ECT2L: variants seen among roughly 807,000 people sequenced by gnomAD.
ECT2L encodes the protein epithelial cell-transforming sequence 2 oncogene-like.
In ECT2L, 126 loss-of-function variants were observed where a neutral mutation model predicts 122.8. The observed-to-expected ratio is 1.03, with a 90% CI of 0.89 to 1.19. ECT2L has a LOEUF of 1.19. Ranked by LOEUF, ECT2L falls within the 50% of genes most tolerant of loss-of-function variation. The pLI is 0.00. For synonymous variants in ECT2L, 385 were observed against 381.8 expected, an observed-to-expected ratio of 1.01 and a Z score of -0.10; for missense variants, 1,012 against 1,064.1, an observed-to-expected ratio of 0.95 and a Z score of 0.68.
intron 4 of ECT2L, among the ~76,000 whole-genome samples, chr6:138,824,688 TGTCA>T (rs1204687508): frequency 6.6e-6 from 1 of 151,988 alleles, no homozygotes; most frequent in Non-Finnish European, 1.5e-5. Flanking sequence ...GAGTGCTCAG[TGTCA>T]GTCAGCCTCC....
chr6:138,837,298 C>G (rs1433307310), intron 4 of ECT2L, among the ~76,000 whole-genome samples: 1 of 152,130 alleles, frequency 6.6e-6, no homozygotes, highest in Non-Finnish European at 1.5e-5. Flanking sequence ...TTCCCAACCC[C>G]CTGTAAACAA....
intron 4 of ECT2L, 76 bp from the exon 5 acceptor site, chr6:138,838,276 A>G: frequency 8.0e-7 from 1 of 1,256,248 alleles, no homozygotes; most frequent in Non-Finnish European, 1.1e-6. Flanking sequence ...AGGAAGATCA[A>G]TGACCAATAT....
intron 7 of ECT2L, among the ~76,000 whole-genome samples, chr6:138,845,242 ATT>A (rs10717081): frequency 0.029 from 3,719 of 128,576 alleles, 119 homozygotes; most frequent in African/African-American, 0.095. Flanking sequence ...TTAACTTTGG[ATT>A]TTTTTTTTTT....
chr6:138,849,883 T>C (rs1777372634), intron 9 of ECT2L, among the ~76,000 whole-genome samples: 1 of 152,180 alleles, frequency 6.6e-6, no homozygotes, highest in South Asian at 2.1e-4. Context: ...TGACCGTTTT[T>C]TCAAATTTTG....
intron 4 of ECT2L, 49 bp downstream of exon 4, chr6:138,814,652 G>C: frequency 8.8e-7 from 1 of 1,139,602 alleles, no homozygotes; most frequent in South Asian, 1.4e-5. Context: ...AAAGAAAACC[G>C]TATATAAATG....
chr6:138,896,252 A>G (rs1442809235), intron 20 of ECT2L, among the ~76,000 whole-genome samples: 1 of 151,998 alleles, frequency 6.6e-6, no homozygotes, highest in Non-Finnish European at 1.5e-5. Context: ...ATTTTTAAGC[A>G]TGCTTTTTTT....
intron 9 of ECT2L, 23 bp downstream of exon 9, chr6:138,849,457 GAAC>G: frequency 1.9e-6 from 3 of 1,603,574 alleles, no homozygotes; most frequent in Non-Finnish European, 2.6e-6. Context: ...ATTGGCGGAT[GAAC>G]AACCATGGAA....
At position 138,889,044 on chromosome 6, in the gene ECT2L, T is replaced by C; in HGVS notation, c.2414+13T>C. ...GTTTCTCTTTAAGGTAAACAATAGTTAACTATCCTAAGGCTGTGGACACCT... is the reference window on the plus strand; with the variant it reads ...GTTTCTCTTTAAGGTAAACAATAGTCAACTATCCTAAGGCTGTGGACACCT... On this transcript the variant is annotated intron_variant, in intron 20 of 21. Transcript: ENST00000541398. 1.4e-6 allele frequency: 2 copies of C among 1,480,120 alleles called. No homozygotes were observed. Among genetic ancestry groups the C allele is most frequent in the Non-Finnish European group, 9.2e-7 (1 of 1,090,554 alleles). 91.7% of individuals were successfully genotyped at this position (1,480,120 alleles called of 1,614,324 possible). A position where few individuals can be genotyped will look rare whatever the true frequency, so the allele number is the denominator to read the frequency against.
intron 4 of ECT2L, among the ~76,000 whole-genome samples, chr6:138,820,481 T>C (rs1776235424): frequency 6.6e-6 from 1 of 152,154 alleles, no homozygotes; most frequent in Non-Finnish European, 1.5e-5. Flanking sequence ...TCCTTGGCCC[T>C]TGATAACATC....
intron 4 of ECT2L, 48 bp downstream of exon 4, chr6:138,814,651 C>T (rs943899554): frequency 1.1e-5 from 13 of 1,176,176 alleles, no homozygotes; most frequent in Admixed American, 7.8e-5. Flanking sequence ...TAAAGAAAAC[C>T]GTATATAAAT....
At chr6:138,887,635 T>C (rs901701218) in intron 19 of ECT2L, among the ~76,000 whole-genome samples, 10 of 152,184 alleles carry the variant, frequency 6.6e-5, no homozygotes, top group African/African-American at 9.6e-5. Context: ...TGTTAACCTA[T>C]AGAATTTCAT....
At chr6:138,855,463 C>T (rs1448653239) in intron 10 of ECT2L, among the ~76,000 whole-genome samples, 4 of 152,042 alleles carry the variant, frequency 2.6e-5, no homozygotes, top group Non-Finnish European at 4.4e-5. Flanking sequence ...GAGCCAAGAT[C>T]GCACCACTAC....
chr6:138,806,676 C>G (rs977852722), intron 1 of ECT2L, among the ~76,000 whole-genome samples: 2 of 151,956 alleles, frequency 1.3e-5, no homozygotes, highest in African/African-American at 4.8e-5. Flanking sequence ...CCACGCCCAG[C>G]TAATTTTTAT....
At position 138,843,178 on chromosome 6, in the gene ECT2L, A is replaced by C. The variant is rs539275518; in HGVS notation, c.542A>C (p.Gln181Pro). The change falls in exon 6 of 22, where the codon CAA (glutamine) becomes CCA (proline). Residue 181 changes from glutamine to proline, a missense_variant. By Grantham distance (76) the Gln-to-Pro change is moderately conservative. Transcript: ENST00000541398. ...KTEDEELLER[Q>P]REKCLRKRIW... ...GAAGATGAGGAACTACTGGAGAGACAAAGAGAAAAGTGCCTGAGGAAAAGA... is the reference window on the plus strand; with the variant it reads ...GAAGATGAGGAACTACTGGAGAGACCAAGAGAAAAGTGCCTGAGGAAAAGA... The C allele has an allele frequency of 1.2e-6, 2 of 1,612,874 alleles. No individual in the cohort carries two copies. The highest frequency in any genetic ancestry group is 4.5e-5 in the East Asian group (2 of 44,890).
chr6:138,868,015 A>AG (rs1410453172), intron 12 of ECT2L, 88 bp from the exon 13 acceptor site: 34 of 834,090 alleles, frequency 4.1e-5, no homozygotes, highest in African/African-American at 4.1e-4. Context: ...AAAAAAAAAA[A>AG]AAAAGAAACT....
chr6:138,900,419 G>T (rs1779360354), intron 20 of ECT2L, among the ~76,000 whole-genome samples: 2 of 152,030 alleles, frequency 1.3e-5, no homozygotes, highest in Non-Finnish European at 2.9e-5. Flanking sequence ...GCTAATTTTT[G>T]TATTTTTAGT....
chr6:138,873,941 CACCT>C (rs1434127093), intron 13 of ECT2L, among the ~76,000 whole-genome samples: 7 of 136,782 alleles, frequency 5.1e-5, no homozygotes, highest in East Asian at 2.2e-4. Context: ...TCTATCCATC[CACCT>C]ACCTACCTAC....
At position 138,885,766 on chromosome 6, in the gene ECT2L, T is replaced by C. The variant is rs1251714477; in HGVS notation, c.2195T>C (p.Val732Ala). 5.6e-6 allele frequency: 9 copies of C among 1,614,074 alleles called. No homozygotes were observed. Among genetic ancestry groups the C allele is most frequent in the African/African-American group, 1.3e-5 (1 of 74,936 alleles). The change falls in exon 18 of 22, where the codon GTT (valine) becomes GCT (alanine). Residue 732 changes from valine (V) to alanine (A), a missense_variant. By Grantham distance (64) the Val-to-Ala change is moderately conservative. Coordinates refer to ENST00000541398, the MANE Select transcript of ECT2L (RefSeq NM_001077706.3). Reference protein sequence around the residue: ...AVRLHTPAEHVDRGDLTTAID... With the variant: ...AVRLHTPAEHADRGDLTTAID... Reference sequence around the variant, plus strand: ...AGGCTTCATACCCCTGCAGAGCATGTTGACCGTGGGGACTTGACCACTGCA... The same window carrying C: ...AGGCTTCATACCCCTGCAGAGCATGCTGACCGTGGGGACTTGACCACTGCA...
At chr6:138,796,460 G>T (rs763563670) in intron 1 of ECT2L, among the ~76,000 whole-genome samples, 1 of 152,212 alleles carries the variant, frequency 6.6e-6, no homozygotes, top group African/African-American at 2.4e-5. Flanking sequence ...CTCCTCCAGA[G>T]AACTGATTTG....
Sources: gnomAD v4.1 joint callset for allele counts (sites outside exome capture counted in the v4.1 genomes callset) on GRCh38, gnomAD v4.1.1 for gene constraint, MANE v1.5 for transcripts, NCBI Gene and HGNC (gene_info 2026-07-23, HGNC 2026-07-21) for gene names.